The following ZC2HC1C variants were observed in gnomAD, a reference collection of about 807,000 sequenced individuals.
The protein encoded by ZC2HC1C is zinc finger C2HC domain-containing protein 1C.
Under a neutral mutation model 39.2 loss-of-function variants are expected in ZC2HC1C, and 25 were observed. The observed-to-expected ratio is 0.64, with a 90% CI of 0.47 to 0.89. The LOEUF (loss-of-function observed/expected upper bound fraction) is 0.89. Among genes scored for constraint, ZC2HC1C ranks in the 40% least tolerant of loss-of-function variants. The pLI is 0.00. For synonymous variants in ZC2HC1C, 209 were observed against 214.4 expected (o/e 0.97, Z 0.22); for missense variants, 519 against 548.6 (o/e 0.95, Z 0.54).
At chr14:75,075,260 T>C (rs1019679080) in intron 2 of ZC2HC1C, among the ~76,000 whole-genome samples, 5 of 152,220 alleles carry the variant, frequency 3.3e-5, no homozygotes, top group African/African-American at 1.2e-4. Context: ...TCCCTTCTGC[T>C]CCAACCTGGA....
In ZC2HC1C at chr14:75,071,158, C is replaced by T. The variant is rs777473452; in HGVS notation, c.585C>T (p.Ala195=). Residue 195 remains alanine, a synonymous_variant, in exon 2 of 3, where the codon GCC becomes GCT. Transcript: ENST00000524913. ...CTGTGGTTGGTACTGTTCTTGCTGCCACGCAGGCGGAGAAGGCCGTGGCAA... is the reference window on the plus strand; with the variant it reads ...CTGTGGTTGGTACTGTTCTTGCTGCTACGCAGGCGGAGAAGGCCGTGGCAA... ...NFSVVGTVLA[A]TQAEKAVANF... The T allele has an allele frequency of 4.3e-6, 7 of 1,614,138 alleles. No individual in the cohort carries two copies. In the South Asian group the frequency reaches 7.7e-5, roughly 18 times the overall value.
At chr14:75,073,517 T>A in intron 2 of ZC2HC1C, 1 of 1,226,838 alleles carries the variant, frequency 8.2e-7, no homozygotes, top group South Asian at 1.3e-5. Flanking sequence ...AGAAGGGACC[T>A]AGACTAAGAT....
chr14:75,071,412 C>A lies in ZC2HC1C; in HGVS notation c.839C>A (p.Thr280Asn), dbSNP rs770176325. Residue 280 changes from threonine (T) to asparagine (N), a missense_variant, in exon 2 of 3, where the codon ACC (threonine) becomes AAC (asparagine). Transcript: ENST00000524913. ...AGAGTTAAAGGTAATAAAAGCAACACCATGTACAAACCTATCTTCTCCCCA... is the reference window on the plus strand; with the variant it reads ...AGAGTTAAAGGTAATAAAAGCAACAACATGTACAAACCTATCTTCTCCCCA... ...RSRVKGNKSN[T>N]MYKPIFSPEF... 8.7e-6 allele frequency: 14 copies of A among 1,614,124 alleles called. No homozygotes were observed. Among genetic ancestry groups the A allele is most frequent in the Non-Finnish European group, 1.2e-5 (14 of 1,180,034 alleles).
rs1215361964 is a variant in ZC2HC1C, at chr14:75,077,466, T to A, written c.1339-66T>A. 3 of 1,595,390 alleles carry A rather than the reference T, an allele frequency of 1.9e-6. No homozygotes were observed. In the East Asian group the frequency reaches 6.7e-5, roughly 36 times the overall value. On this transcript the variant is annotated intron_variant, in intron 2 of 2. Transcript: ENST00000524913. ...ACCCTTTTCATTTTCTTACTGTTATTCTACAAGAGACTCAGGAAGGAGATA... is the reference window on the plus strand; with the variant it reads ...ACCCTTTTCATTTTCTTACTGTTATACTACAAGAGACTCAGGAAGGAGATA...
At chr14:75,076,121 C>T (rs1193321401) in intron 2 of ZC2HC1C, among the ~76,000 whole-genome samples, 1 of 152,162 alleles carries the variant, frequency 6.6e-6, no homozygotes, top group Admixed American at 6.6e-5. Flanking sequence ...CGTGCTTTCT[C>T]TGTTCCTTCT....
rs771541780 is a variant in ZC2HC1C, at chr14:75,071,922, C to T, written c.1338+11C>T. ...CCAGCTTCAGCCAAGGTAACAAGAG[C>T]CTTATGGATGTGACTTGGTGTGGTG... On this transcript the variant is annotated intron_variant, in intron 2 of 2. Coordinates refer to ENST00000524913, the MANE Select transcript of ZC2HC1C (RefSeq NM_024643.4). The T allele has an allele frequency of 6.4e-7, 1 of 1,568,912 alleles. No homozygotes were observed. The highest frequency in any genetic ancestry group is 8.6e-7 in the Non-Finnish European group (1 of 1,159,922).
At position 75,079,869 on chromosome 14, in the gene ZC2HC1C, G is replaced by A. The variant is rs926015367; in HGVS notation, c.*2305G>A. The A allele has an allele frequency of 2.0e-5, 3 of 152,170 alleles. No individual in the cohort carries two copies. The highest frequency in any genetic ancestry group is 2.9e-5 in the Non-Finnish European group (2 of 68,032). The allele number at this position is 152,170 out of a possible 1,614,324, so 9.4% of individuals were successfully genotyped here. The stretch of plus-strand genomic sequence containing the variant: ...ATTTGGGATCGCTGGATGTTAGTAA[G>A]GTCATAGATCCGGGCCCTCCAGAGA... On this transcript the variant is annotated 3_prime_UTR_variant, in exon 3 of 3. Transcript: ENST00000524913.
Position 75,077,722 on chromosome 14 carries a change from T to G in ZC2HC1C, c.*158T>G. ...TGTAGCCACCACTTTGCTCCCAAGG[T>G]GGCTGAGCAACACATTCCCAAGTGT... On this transcript the variant is annotated 3_prime_UTR_variant, in exon 3 of 3. Transcript: ENST00000524913. 1.3e-6 allele frequency: 1 copy of G among 792,976 alleles called. No individual in the cohort carries two copies. The highest frequency in any genetic ancestry group is 2.0e-6 in the Non-Finnish European group (1 of 489,734). The allele number at this position is 792,976 out of a possible 1,614,324, so 49.1% of individuals were successfully genotyped here. A position where few individuals can be genotyped will look rare whatever the true frequency, so the allele number is the denominator to read the frequency against.
chr14:75,071,239 C>T lies in ZC2HC1C; in HGVS notation c.666C>T (p.Ser222=), dbSNP rs1394109582. ...QIRRLEAAGE[S]LEEEIRRKQI... is the part of the protein sequence containing the mutation. ...GAAGACTAGAAGCTGCAGGGGAGAGCTTAGAGGAGGAAATCCGAAGAAAGC... is the reference window on the plus strand; with the variant it reads ...GAAGACTAGAAGCTGCAGGGGAGAGTTTAGAGGAGGAAATCCGAAGAAAGC... Residue 222 remains serine, a synonymous_variant, in exon 2 of 3, where the codon AGC becomes AGT. Transcript: ENST00000524913. The T allele has an allele frequency of 6.2e-7, 1 of 1,614,006 alleles. No homozygotes were observed. Among genetic ancestry groups the T allele is most frequent in the South Asian group, 1.1e-5 (1 of 91,074 alleles).
In ZC2HC1C at chr14:75,071,111, G is replaced by T. The variant is rs1893373935; in HGVS notation, c.538G>T (p.Val180Leu). ...PREFSSRNFG[V>L]RNQGNFSVVG... ...AGAGTTTTCATCTAGGAACTTTGGT[G>T]TGAGGAACCAGGGCAACTTTTCTGT... Residue 180 changes from valine (V) to leucine (L), a missense_variant, in exon 2 of 3, where the codon GTG becomes TTG. Val to Leu is a conservative substitution (Grantham distance 32). Transcript: ENST00000524913. 6.2e-7 allele frequency: 1 copy of T among 1,614,232 alleles called. No homozygotes were observed.
intron 2 of ZC2HC1C, among the ~76,000 whole-genome samples, chr14:75,075,249 A>G (rs1026218690): frequency 6.6e-6 from 1 of 152,158 alleles, no homozygotes; most frequent in Non-Finnish European, 1.5e-5. Flanking sequence ...AGCCACTCTG[A>G]TCCCTTCTGC....
At chr14:75,072,443 T>C (rs1893471979) in intron 2 of ZC2HC1C, among the ~76,000 whole-genome samples, 1 of 152,248 alleles carries the variant, frequency 6.6e-6, no homozygotes, top group East Asian at 1.9e-4. Context: ...CATAGCTTCT[T>C]AGTAAATAGA....
At chr14:75,076,112 G>A (rs1469241731) in intron 2 of ZC2HC1C, among the ~76,000 whole-genome samples, 8 of 151,848 alleles carry the variant, frequency 5.3e-5, no homozygotes, top group Non-Finnish European at 8.8e-5. Context: ...TTTTCTCCTC[G>A]TGCTTTCTCT....
chr14:75,070,105 C>T (rs1028149569), intron 1 of ZC2HC1C, among the ~76,000 whole-genome samples: 1 of 152,180 alleles, frequency 6.6e-6, no homozygotes, highest in Non-Finnish European at 1.5e-5. Context: ...CCAGTCACTA[C>T]CTCTGGGCCA....
intron 1 of ZC2HC1C, 86 bp from the exon 2 acceptor site, chr14:75,070,469 G>T: frequency 1.4e-6 from 2 of 1,462,184 alleles, no homozygotes; most frequent in South Asian, 2.7e-5. Flanking sequence ...ATGTGGGCAG[G>T]GCAAATGTAG....
intron 2 of ZC2HC1C, among the ~76,000 whole-genome samples, chr14:75,072,135 C>T (rs976915414): frequency 7.2e-5 from 11 of 152,202 alleles, no homozygotes; most frequent in Admixed American, 7.2e-4. Flanking sequence ...AAGACTTGGA[C>T]AGGCTAAGTA....
chr14:75,069,921 G>T (rs1893273634), intron 1 of ZC2HC1C, 172 bp downstream of exon 1: 1 of 152,914 alleles, frequency 6.5e-6, no homozygotes, highest in South Asian at 2.1e-4. Flanking sequence ...ACCGGCCGCG[G>T]TCAGGTCAGG....
In ZC2HC1C at chr14:75,077,843, C is replaced by T; in HGVS notation, c.*279C>T. On this transcript the variant is annotated 3_prime_UTR_variant, in exon 3 of 3. Coordinates refer to ENST00000524913, the MANE Select transcript of ZC2HC1C (RefSeq NM_024643.4). Reference sequence around the variant, plus strand: ...GGATAGTTCAGAAAGCTCTGCTTCTCTTCAGCAGTAAATGGGAGTAGAATT... The same window carrying T: ...GGATAGTTCAGAAAGCTCTGCTTCTTTTCAGCAGTAAATGGGAGTAGAATT... 7.5e-6 allele frequency: 3 copies of T among 399,072 alleles called. No individual in the cohort carries two copies. Among genetic ancestry groups the T allele is most frequent in the Non-Finnish European group, 1.4e-5 (3 of 220,278 alleles). The allele number at this position is 399,072 out of a possible 1,614,324, so 24.7% of individuals were successfully genotyped here.
intron 2 of ZC2HC1C, chr14:75,073,691 G>C: frequency 3.4e-6 from 4 of 1,172,062 alleles, no homozygotes; most frequent in Non-Finnish European, 3.4e-6. Flanking sequence ...CGTACACCCT[G>C]TCTCTCTCCT....
Sources: gnomAD v4.1 joint callset for allele counts (sites outside exome capture counted in the v4.1 genomes callset) on GRCh38, gnomAD v4.1.1 for gene constraint, MANE v1.5 for transcripts, NCBI Gene and HGNC (gene_info 2026-07-23, HGNC 2026-07-21) for gene names.